The following RBFOX1 variants were observed in gnomAD, a reference collection of about 807,000 sequenced individuals.
The protein encoded by RBFOX1 is RNA binding fox-1 homolog 1.
RBFOX1 carries 8 observed loss-of-function variants against 57.7 expected under a neutral mutation model. The observed-to-expected ratio is 0.14, with a 90% CI of 0.08 to 0.25. The LOEUF is 0.25. Ranked by LOEUF, RBFOX1 falls within the 10% of genes least tolerant of loss-of-function variation. The probability of loss-of-function intolerance (pLI) is 1.00; values close to 1 mark genes in which losing one functional copy is unlikely to be tolerated. For synonymous variants in RBFOX1, 326 were observed against 222.4 expected (o/e 1.47, Z -4.15); for missense variants, 611 against 548.5 (o/e 1.11, Z -1.14).
chr16:5,621,145 A>T lies in RBFOX1; in HGVS notation c.318+22184A>T, dbSNP rs564451268. ...GTTGAGCCAATGCGCCCAGCCTGCT[A>T]ATTTTTATTTTTTGTAGAAATGGGG... On this transcript the variant is annotated intron_variant, in intron 3 of 19. Transcript: ENST00000641259. Among the ~76,000 whole-genome samples the T allele has an allele frequency of 4.6e-5, 7 of 152,070 alleles. No individual in the cohort carries two copies. In the South Asian group the frequency reaches 1.2e-3, roughly 27 times the overall value.
At chr16:7,504,895 C>A (rs932898110) in intron 4 of RBFOX1, among the ~76,000 whole-genome samples, 3 of 145,846 alleles carry the variant, frequency 2.1e-5, no homozygotes, top group Non-Finnish European at 3.0e-5. Context: ...GTATTAATAA[C>A]AGGCAATAAT....
At chr16:7,681,032 G>T (rs539298323) in intron 14 of RBFOX1, among the ~76,000 whole-genome samples, 2 of 152,058 alleles carry the variant, frequency 1.3e-5, no homozygotes, top group East Asian at 1.9e-4. Flanking sequence ...GCTAGAGAAC[G>T]TAAGTTAAAT....
intron 3 of RBFOX1, among the ~76,000 whole-genome samples, chr16:6,996,722 C>G (rs1320589653): frequency 6.6e-6 from 1 of 152,162 alleles, no homozygotes; most frequent in Non-Finnish European, 1.5e-5. Flanking sequence ...GTGCTTCATA[C>G]AAATAATGCT....
chr16:7,689,529 C>G (rs979503290), intron 14 of RBFOX1, among the ~76,000 whole-genome samples: 1 of 151,974 alleles, frequency 6.6e-6, no homozygotes, highest in Non-Finnish European at 1.5e-5. Flanking sequence ...GATTACCAGA[C>G]CTCTCTCCTG....
At chr16:5,901,637 C>T (rs999614482) in intron 4 of RBFOX1, among the ~76,000 whole-genome samples, 1 of 152,138 alleles carries the variant, frequency 6.6e-6, no homozygotes, top group African/African-American at 2.4e-5. Flanking sequence ...TCAAGGCTGC[C>T]ATATTGGAGA....
intron 1 of RBFOX1, among the ~76,000 whole-genome samples, chr16:6,263,157 C>G (rs2097711492): frequency 1.3e-5 from 2 of 152,074 alleles, no homozygotes; most frequent in South Asian, 4.2e-4. Flanking sequence ...AAAGAGATGC[C>G]TTATATAGAG....
At chr16:5,928,700 TAAA>T (rs760181311) in intron 4 of RBFOX1, among the ~76,000 whole-genome samples, 19 of 105,800 alleles carry the variant, frequency 1.8e-4, no homozygotes, top group Admixed American at 2.9e-4. Flanking sequence ...TTCTGCCCAA[TAAA>T]AAAAAAAAAA....
chr16:7,364,576 A>G (rs903576801), intron 4 of RBFOX1, among the ~76,000 whole-genome samples: 3 of 130,400 alleles, frequency 2.3e-5, no homozygotes, highest in African/African-American at 5.9e-5. Context: ...CAAGAAGACC[A>G]AAAAAAAAAA....
Position 6,659,257 on chromosome 16 carries a change from G to C in RBFOX1, c.-16+4607G>C, listed in dbSNP as rs534690074. ...AGAGCCCATTTTATAAACACAGACA[G>C]GGCTTCCTCTTCTCACTTATCGCCT... On this transcript the variant is annotated intron_variant, in intron 3 of 15. Transcript: ENST00000550418. Among the ~76,000 whole-genome samples the C allele has an allele frequency of 2.8e-4, 36 of 127,296 alleles. No homozygotes were observed. In the South Asian group the frequency reaches 9.2e-3, roughly 33 times the overall value. 83.5% of individuals were successfully genotyped at this position (127,296 alleles called of 152,430 possible). A position where few individuals can be genotyped will look rare whatever the true frequency, so the allele number is the denominator to read the frequency against.
At chr16:6,538,511 T>C (rs1193432060) in intron 2 of RBFOX1, among the ~76,000 whole-genome samples, 1 of 151,884 alleles carries the variant, frequency 6.6e-6, no homozygotes, top group Non-Finnish European at 1.5e-5. Context: ...AAGCAAAAAA[T>C]GCATATGAAA....
At chr16:6,086,501 T>TG (rs2096086483) in intron 1 of RBFOX1, among the ~76,000 whole-genome samples, 1 of 43,424 alleles carries the variant, frequency 2.3e-5, no homozygotes, top group Non-Finnish European at 7.5e-5. Context: ...CATTGAGGCC[T>TG]GAGTGTTCTT....
intron 1 of RBFOX1, among the ~76,000 whole-genome samples, chr16:6,275,841 A>G (rs2075746627): frequency 1.3e-5 from 2 of 152,238 alleles, no homozygotes. Context: ...AAGGAACAAT[A>G]TAATAATATT....
intron 1 of RBFOX1, among the ~76,000 whole-genome samples, chr16:6,151,101 C>A (rs980215701): frequency 2.0e-5 from 3 of 152,102 alleles, no homozygotes; most frequent in African/African-American, 7.2e-5. Context: ...ACTATGGTTT[C>A]CTTATTCATC....
At chr16:6,544,854 A>G (rs1039612577) in intron 2 of RBFOX1, among the ~76,000 whole-genome samples, 1 of 152,190 alleles carries the variant, frequency 6.6e-6, no homozygotes, top group Non-Finnish European at 1.5e-5. Context: ...ATGGGGCTTG[A>G]TCCAAGTTGG....
chr16:5,775,532 A>G (rs1176017356), intron 3 of RBFOX1, among the ~76,000 whole-genome samples: 1 of 152,216 alleles, frequency 6.6e-6, no homozygotes, highest in African/African-American at 2.4e-5. Context: ...GGAGCCTTAT[A>G]TGGCACAGGC....
chr16:6,031,663 C>T (rs1015754612), intron 1 of RBFOX1, among the ~76,000 whole-genome samples: 18 of 152,248 alleles, frequency 1.2e-4, no homozygotes, highest in Non-Finnish European at 2.1e-4. Flanking sequence ...ATGTGGCATG[C>T]GCATACGTGC....
intron 4 of RBFOX1, among the ~76,000 whole-genome samples, chr16:7,058,259 C>G (rs1208709743): frequency 6.6e-6 from 1 of 152,076 alleles, no homozygotes; most frequent in African/African-American, 2.4e-5. Context: ...GGTTTTTATG[C>G]CAATCAGAAA....
At chr16:6,275,040 T>G (rs2075645362) in intron 1 of RBFOX1, among the ~76,000 whole-genome samples, 1 of 152,176 alleles carries the variant, frequency 6.6e-6, no homozygotes. Flanking sequence ...CAGTCTTGCT[T>G]CTACAGAGAG....
chr16:7,548,636 G>C (rs1427446945), intron 5 of RBFOX1, among the ~76,000 whole-genome samples: 3 of 152,182 alleles, frequency 2.0e-5, no homozygotes, highest in South Asian at 4.1e-4. Flanking sequence ...GGCAGGAGCG[G>C]GGGGGCAGTC....
Sources: allele counts gnomAD v4.1 joint callset (sites outside exome capture counted in the v4.1 genomes callset), GRCh38; gene constraint gnomAD v4.1.1; transcripts MANE v1.5; gene names NCBI Gene and HGNC (gene_info 2026-07-23, HGNC 2026-07-21).